LGI1: variants seen among roughly 807,000 people sequenced by gnomAD.
LGI1 encodes leucine-rich glioma-inactivated protein 1.
In LGI1, 11 loss-of-function variants were observed where a neutral mutation model predicts 57.7. The observed-to-expected ratio is 0.19, with a 90% CI of 0.12 to 0.32. The LOEUF (loss-of-function observed/expected upper bound fraction) is 0.32. Among genes scored for constraint, LGI1 ranks in the 10% least tolerant of loss-of-function variants. LGI1 has a pLI of 1.00. For synonymous variants in LGI1, 222 were observed against 241.9 expected, an observed-to-expected ratio of 0.92 and a Z score of 0.76; for missense variants, 422 against 661.9, an observed-to-expected ratio of 0.64 and a Z score of 3.98.
intron 2 of LGI1, among the ~76,000 whole-genome samples, chr10:93,775,376 T>C (rs1468628550): frequency 1.3e-5 from 2 of 152,226 alleles, no homozygotes; most frequent in Non-Finnish European, 2.9e-5. Flanking sequence ...GTTTTGCATA[T>C]GCATTTGTAG....
At chr10:93,784,189 G>A (rs1019208959) in intron 4 of LGI1, among the ~76,000 whole-genome samples, 1 of 152,122 alleles carries the variant, frequency 6.6e-6, no homozygotes, top group African/African-American at 2.4e-5. Context: ...CATTGACTGT[G>A]TCTTCACCCC....
At chr10:93,769,202 T>A (rs1030318037) in intron 2 of LGI1, 4 of 152,268 alleles carry the variant, frequency 2.6e-5, no homozygotes, top group South Asian at 2.1e-4. Flanking sequence ...TTGGATCATT[T>A]AAGCAAAGCC....
rs1554906719 is a variant in LGI1, at chr10:93,790,094, T to TTC, written c.432-5_432-4insTC. 8 of 1,602,474 alleles carry TTC rather than the reference T, an allele frequency of 5.0e-6. No homozygotes were observed. Among genetic ancestry groups the TTC allele is most frequent in the East Asian group, 2.2e-5 (1 of 44,836 alleles). The stretch of plus-strand genomic sequence containing the variant: ...TTTACATCACCTTTTTTTTTTTTTT[T>TTC]CCAGGAGCCTTGCAAACAACAATCT... On this transcript the variant is annotated splice_region_variant and splice_polypyrimidine_tract_variant and intron_variant, in intron 4 of 7. Transcript: ENST00000371418.
chr10:93,794,933 T>G (rs921285757), intron 7 of LGI1: 3 of 152,032 alleles, frequency 2.0e-5, no homozygotes, highest in African/African-American at 4.8e-5. Flanking sequence ...GAGGCTGGGG[T>G]TGCTTAAATA....
intron 4 of LGI1, among the ~76,000 whole-genome samples, chr10:93,779,636 T>C (rs564657317): frequency 7.2e-5 from 11 of 152,204 alleles, no homozygotes; most frequent in Non-Finnish European, 1.2e-4. Flanking sequence ...CTATGATGTG[T>C]ATCAAATGAA....
In LGI1 at chr10:93,792,831, A is replaced by T; in HGVS notation, c.592A>T (p.Ile198Phe). 6.2e-7 allele frequency: 1 copy of T among 1,614,138 alleles called. No homozygotes were observed. The highest frequency in any genetic ancestry group is 8.5e-7 in the Non-Finnish European group (1 of 1,180,016). ...LGHTNATVED[I>F]YCEGPPEYKK... ...CCACACCAATGCAACTGTTGAAGAC[A>T]TCTACTGCGAAGGCCCCCCAGAATA... The change falls in exon 6 of 8, where the codon ATC becomes TTC. Residue 198 changes from isoleucine to phenylalanine, a missense_variant. By Grantham distance (21) the Ile-to-Phe change is conservative. This residue lies in a region of LGI1 where 301 missense variants were observed against 461.7 expected (regional missense o/e 0.65). Coordinates refer to ENST00000371418, the MANE Select transcript of LGI1 (RefSeq NM_005097.4).
At chr10:93,788,262 A>T (rs775181448) in intron 4 of LGI1, 2 of 152,252 alleles carry the variant, frequency 1.3e-5, no homozygotes, top group African/African-American at 4.8e-5. Flanking sequence ...CATTCTCTTG[A>T]ATAGTCTTCC....
chr10:93,787,956 G>A (rs1281128837), intron 4 of LGI1, among the ~76,000 whole-genome samples: 1 of 151,756 alleles, frequency 6.6e-6, no homozygotes, highest in Non-Finnish European at 1.5e-5. Context: ...GACAAGCATG[G>A]TGCCTTCTCC....
intron 4 of LGI1, among the ~76,000 whole-genome samples, chr10:93,778,307 T>C (rs2059811681): frequency 1.3e-5 from 2 of 151,694 alleles, no homozygotes; most frequent in South Asian, 4.2e-4. Context: ...AACAATTTGT[T>C]TCTTCTAGCC....
At chr10:93,790,376 A>C (rs968288602) in intron 5 of LGI1, 5 of 567,510 alleles carry the variant, frequency 8.8e-6, no homozygotes, top group East Asian at 5.9e-5. Flanking sequence ...TTCTGAATAC[A>C]TGGCACCCAG....
At chr10:93,779,757 G>A (rs2059830460) in intron 4 of LGI1, among the ~76,000 whole-genome samples, 1 of 152,130 alleles carries the variant, frequency 6.6e-6, no homozygotes, top group South Asian at 2.1e-4. Flanking sequence ...TTTCAGGTTC[G>A]AGGAACACCA....
At chr10:93,765,063 A>AT (rs1393393269) in intron 2 of LGI1, 1 of 152,206 alleles carries the variant, frequency 6.6e-6, no homozygotes, top group African/African-American at 2.4e-5. Flanking sequence ...AACATGCCAG[A>AT]TTTTGTTTAA....
At chr10:93,769,235 C>T (rs983547508) in intron 2 of LGI1, 1 of 152,126 alleles carries the variant, frequency 6.6e-6, no homozygotes, top group African/African-American at 2.4e-5. Context: ...TTTGGCAAGC[C>T]CCTCCAGCTG....
chr10:93,764,158 T>C (rs1442897033), intron 2 of LGI1: 1 of 152,206 alleles, frequency 6.6e-6, no homozygotes, highest in Non-Finnish European at 1.5e-5. Flanking sequence ...GCTGTCACTT[T>C]TCACCCTGAT....
chr10:93,792,921 CTCA>C lies in LGI1; in HGVS notation c.673+17_673+19del. On this transcript the variant is annotated intron_variant, in intron 6 of 7. Coordinates refer to ENST00000371418, the MANE Select transcript of LGI1 (RefSeq NM_005097.4). ...TGATTGCATCATTACAGGTAATGTACTCATCATCATTCCACCTCAAAAAATTAA... is the reference window on the plus strand; with the variant it reads ...TGATTGCATCATTACAGGTAATGTACTCATCATTCCACCTCAAAAAATTAA... The C allele has an allele frequency of 1.9e-6, 3 of 1,611,790 alleles. No individual in the cohort carries two copies. Among genetic ancestry groups the C allele is most frequent in the Admixed American group, 1.7e-5 (1 of 60,012 alleles).
intron 2 of LGI1, among the ~76,000 whole-genome samples, chr10:93,776,283 A>T (rs1055537427): frequency 6.6e-6 from 1 of 152,134 alleles, no homozygotes; most frequent in South Asian, 2.1e-4. Flanking sequence ...TTTATGAAAA[A>T]TTTTAAGTAT....
chr10:93,771,055 T>G (rs1376833508), intron 2 of LGI1: 1 of 151,734 alleles, frequency 6.6e-6, no homozygotes, highest in Non-Finnish European at 1.5e-5. Flanking sequence ...ACAGTGGGAA[T>G]AAAAAAATAA....
At chr10:93,796,022 C>T (rs2059976736) in intron 7 of LGI1, among the ~76,000 whole-genome samples, 1 of 152,248 alleles carries the variant, frequency 6.6e-6, no homozygotes, top group South Asian at 2.1e-4. Flanking sequence ...TTTTCTAGAG[C>T]CAAACTCCTG....
At chr10:93,793,458 C>T in intron 7 of LGI1, 108 bp downstream of exon 7, 1 of 980,336 alleles carries the variant, frequency 1.0e-6, no homozygotes, top group Non-Finnish European at 1.6e-6. Flanking sequence ...TGAATTCCAA[C>T]TCTACCATTT....
Sources: allele counts gnomAD v4.1 joint callset (sites outside exome capture counted in the v4.1 genomes callset), GRCh38; gene constraint gnomAD v4.1.1; regional missense constraint gnomAD v4.1.1; transcripts MANE v1.5; gene names NCBI Gene and HGNC (gene_info 2026-07-23, HGNC 2026-07-21).